DRC1: variants seen among roughly 807,000 people sequenced by gnomAD.
The protein encoded by DRC1 is dynein regulatory complex subunit 1, also known as dynein regulatory complex protein 1.
In DRC1, 74 loss-of-function variants were observed where a neutral mutation model predicts 98.7. The observed-to-expected ratio is 0.75, with a 90% CI of 0.62 to 0.91. The LOEUF is 0.91. Ranked by LOEUF, DRC1 falls within the 40% of genes least tolerant of loss-of-function variation. The probability of loss-of-function intolerance (pLI) is 0.00; values close to 1 mark genes in which losing one functional copy is unlikely to be tolerated. For missense variants in DRC1, 875 were observed against 886.0 expected, an observed-to-expected ratio of 0.99 and a Z score of 0.16; for synonymous variants, 336 against 334.1, an observed-to-expected ratio of 1.01 and a Z score of -0.06.
chr2:26,429,753 C>G lies in DRC1; in HGVS notation c.666C>G (p.Leu222=). 1 of 1,613,954 alleles carries G rather than the reference C, an allele frequency of 6.2e-7. No homozygotes were observed. Among genetic ancestry groups the G allele is most frequent in the Non-Finnish European group, 8.5e-7 (1 of 1,179,946 alleles). Residue 222 remains leucine (L), a synonymous_variant, in exon 5 of 17, where the codon CTC becomes CTG. Transcript: ENST00000288710. ...KNVMKTFREE[L]YNIEKAFEVE... Reference sequence around the variant, plus strand: ...TGATGAAAACCTTTCGTGAGGAGCTCTATAACATTGAGGTAACAGGGTGTG... The same window carrying G: ...TGATGAAAACCTTTCGTGAGGAGCTGTATAACATTGAGGTAACAGGGTGTG...
intron 8 of DRC1, among the ~76,000 whole-genome samples, chr2:26,441,120 T>A (rs1324641400): frequency 1.3e-5 from 2 of 152,220 alleles, no homozygotes; most frequent in Admixed American, 1.3e-4. Context: ...CCCTTCTTCC[T>A]CATCTCCTTA....
chr2:26,406,465 T>A (rs942705926), intron 1 of DRC1, among the ~76,000 whole-genome samples: 1 of 152,078 alleles, frequency 6.6e-6, no homozygotes, highest in African/African-American at 2.4e-5. Context: ...TCCTAGCAGT[T>A]TGGGAGGCTG....
intron 10 of DRC1, among the ~76,000 whole-genome samples, chr2:26,446,771 G>A (rs1244664120): frequency 6.6e-6 from 1 of 152,076 alleles, no homozygotes; most frequent in Non-Finnish European, 1.5e-5. Context: ...GTCCCTCCAG[G>A]GATGTACAGA....
intron 1 of DRC1, among the ~76,000 whole-genome samples, chr2:26,409,646 A>G (rs1678534153): frequency 6.6e-6 from 1 of 152,264 alleles, no homozygotes; most frequent in African/African-American, 2.4e-5. Flanking sequence ...AGAGCAATAG[A>G]CACATTCAGC....
intron 8 of DRC1, among the ~76,000 whole-genome samples, chr2:26,443,948 G>A (rs1031504789): frequency 3.9e-5 from 6 of 152,080 alleles, no homozygotes; most frequent in African/African-American, 1.2e-4. Flanking sequence ...TGTGAAGTAG[G>A]TTCTGTCCAC....
At chr2:26,447,399 C>T (rs534058037) in intron 10 of DRC1, among the ~76,000 whole-genome samples, 2 of 151,934 alleles carry the variant, frequency 1.3e-5, no homozygotes, top group Non-Finnish European at 2.9e-5. Context: ...GGTGACAGAG[C>T]GAGACTCTGT....
chr2:26,438,881 T>C (rs907508549), intron 7 of DRC1, among the ~76,000 whole-genome samples: 4 of 152,290 alleles, frequency 2.6e-5, no homozygotes, highest in Admixed American at 2.0e-4. Flanking sequence ...CTTGATTGCC[T>C]TCCCCATTCC....
At chr2:26,422,044 A>C (rs1663161808) in intron 3 of DRC1, among the ~76,000 whole-genome samples, 1 of 152,206 alleles carries the variant, frequency 6.6e-6, no homozygotes, top group Non-Finnish European at 1.5e-5. Context: ...GTAGTAACAC[A>C]CACAAGGAGG....
intron 7 of DRC1, among the ~76,000 whole-genome samples, chr2:26,432,826 T>C (rs182609593): frequency 6.6e-6 from 1 of 152,288 alleles, no homozygotes; most frequent in African/African-American, 2.4e-5. Flanking sequence ...CCAACAGCAT[T>C]TTATACATCA....
chr2:26,448,431 G>A (rs777988502), intron 10 of DRC1: 32 of 616,742 alleles, frequency 5.2e-5, no homozygotes, highest in Middle Eastern at 5.1e-4. Flanking sequence ...CCAGGTAGAC[G>A]CAATTTGGAA....
At chr2:26,431,029 C>T (rs566727949) in intron 6 of DRC1, among the ~76,000 whole-genome samples, 157 bp downstream of exon 6, 16 of 138,218 alleles carry the variant, frequency 1.2e-4, no homozygotes, top group South Asian at 1.2e-3. Context: ...GGAGCAATCT[C>T]GGCTCACTGC....
intron 10 of DRC1, among the ~76,000 whole-genome samples, chr2:26,445,462 G>C (rs1663827821): frequency 1.3e-5 from 2 of 152,254 alleles, no homozygotes; most frequent in South Asian, 2.1e-4. Context: ...ATAATGGGTT[G>C]GGCCTCTAGC....
At chr2:26,413,783 A>G (rs1678701961) in intron 1 of DRC1, among the ~76,000 whole-genome samples, 1 of 152,250 alleles carries the variant, frequency 6.6e-6, no homozygotes, top group East Asian at 1.9e-4. Context: ...AAATTTCTAA[A>G]TTTTAGAAAG....
chr2:26,438,172 T>C (rs1455048959), intron 7 of DRC1, among the ~76,000 whole-genome samples: 1 of 148,342 alleles, frequency 6.7e-6, no homozygotes, highest in African/African-American at 2.5e-5. Flanking sequence ...ATTGTTGTAA[T>C]ATTGAGGGAG....
In DRC1 at chr2:26,438,406, A is replaced by G. The variant is rs191703741; in HGVS notation, c.889-1972A>G. 3.5e-3 allele frequency among the ~76,000 whole-genome samples: 532 copies of G among 152,334 alleles called. 2 individuals are homozygous for G. Among genetic ancestry groups the G allele is most frequent in the African/African-American group, 0.012 (512 of 41,570 alleles). Reference sequence around the variant, plus strand: ...TCAGGAAAAGTTTTTACAAAGAAAAATGTATAACTAGAAAAAGTAAATAAA... The same window carrying G: ...TCAGGAAAAGTTTTTACAAAGAAAAGTGTATAACTAGAAAAAGTAAATAAA... On this transcript the variant is annotated intron_variant, in intron 7 of 16. Transcript: ENST00000288710.
intron 7 of DRC1, among the ~76,000 whole-genome samples, chr2:26,432,886 C>G (rs1213418217): frequency 6.6e-6 from 1 of 152,174 alleles, no homozygotes; most frequent in Non-Finnish European, 1.5e-5. Context: ...ACGATAAACC[C>G]TGGATTCAAA....
intron 3 of DRC1, 130 bp downstream of exon 3, chr2:26,421,530 C>T: frequency 2.0e-6 from 1 of 504,022 alleles, no homozygotes; most frequent in Non-Finnish European, 3.3e-6. Context: ...ATAACTTCTC[C>T]CTCCCTCCCT....
At position 26,419,492 on chromosome 2, in the gene DRC1, C is replaced by T. The variant is rs538026512; in HGVS notation, c.244-1796C>T. On this transcript the variant is annotated intron_variant, in intron 2 of 16. Transcript: ENST00000288710. Reference sequence around the variant, plus strand: ...AGGAAAGCCATTACTTCCTTATGCACGTAAAACCATTTTGTACAAGTGATA... The same window carrying T: ...AGGAAAGCCATTACTTCCTTATGCATGTAAAACCATTTTGTACAAGTGATA... 4.4e-4 allele frequency among the ~76,000 whole-genome samples: 67 copies of T among 152,222 alleles called. 1 individual carries two copies. The highest frequency in any genetic ancestry group is 1.1e-3 in the African/African-American group (47 of 41,524).
intron 1 of DRC1, among the ~76,000 whole-genome samples, chr2:26,405,629 G>GTT (rs924522712): frequency 3.2e-5 from 2 of 63,258 alleles, no homozygotes; most frequent in Non-Finnish European, 3.3e-5. Context: ...TGGTGGTCTT[G>GTT]TTTTTTTTTT....
Sources: gnomAD v4.1 joint callset for allele counts (sites outside exome capture counted in the v4.1 genomes callset) on GRCh38, gnomAD v4.1.1 for gene constraint, MANE v1.5 for transcripts, NCBI Gene and HGNC (gene_info 2026-07-23, HGNC 2026-07-21) for gene names.